RER1: variants seen among roughly 807,000 people sequenced by gnomAD.
RER1 encodes protein RER1.
In RER1, 6 loss-of-function variants were observed where a neutral mutation model predicts 28.3. The ratio of observed to expected loss-of-function variants is 0.21; its 90% confidence interval spans 0.12 to 0.42. The LOEUF is 0.42. Ranked by LOEUF, RER1 falls within the 10% of genes least tolerant of loss-of-function variation. The probability of loss-of-function intolerance (pLI) is 1.00; values close to 1 mark genes in which losing one functional copy is unlikely to be tolerated. For synonymous variants in RER1, 110 were observed against 95.9 expected, an observed-to-expected ratio of 1.15 and a Z score of -0.86; for missense variants, 159 against 252.9, an observed-to-expected ratio of 0.63 and a Z score of 2.52.
chr1:2,403,898 T>C lies in RER1; in HGVS notation c.*774T>C, dbSNP rs969127648. On this transcript the variant is annotated 3_prime_UTR_variant, in exon 7 of 7. Transcript: ENST00000605895. The stretch of plus-strand genomic sequence containing the variant: ...GTAGGTTCAGCACTCGGCCCCCCAC[T>C]GCGGGAGAGGCGGAACCCACTTGCA... 1.3e-5 allele frequency: 2 copies of C among 152,440 alleles called. No individual in the cohort carries two copies. Among genetic ancestry groups the C allele is most frequent in the Non-Finnish European group, 2.9e-5 (2 of 68,030 alleles). The allele number at this position is 152,440 out of a possible 1,614,324, so 9.4% of individuals were successfully genotyped here.
At chr1:2,401,258 C>G (rs1642847802) in intron 5 of RER1, among the ~76,000 whole-genome samples, 1 of 126,620 alleles carries the variant, frequency 7.9e-6, no homozygotes, top group South Asian at 2.9e-4. Flanking sequence ...CTCCTTCCTC[C>G]CTCCTCCACC....
intron 6 of RER1, 73 bp downstream of exon 6, chr1:2,402,415 C>A: frequency 1.3e-6 from 2 of 1,596,694 alleles, no homozygotes; most frequent in Non-Finnish European, 1.7e-6. Flanking sequence ...GGGAGCTGTG[C>A]TGGGCTGTGG....
At position 2,403,607 on chromosome 1, in the gene RER1, G is replaced by C. The variant is rs1642908232; in HGVS notation, c.*483G>C. ...TTTTAAAGGTGATTGTCAAGTAACT[G>C]TGTGGGGTTCTAATGCCAGTTTCCT... On this transcript the variant is annotated 3_prime_UTR_variant, in exon 7 of 7. Transcript: ENST00000605895. 6.2e-6 allele frequency: 1 copy of C among 161,862 alleles called. No individual in the cohort carries two copies. The highest frequency in any genetic ancestry group is 2.4e-5 in the African/African-American group (1 of 41,548). The allele number at this position is 161,862 out of a possible 1,614,324, so 10.0% of individuals were successfully genotyped here.
In RER1 at chr1:2,404,402, A is replaced by G. The variant is rs902971702; in HGVS notation, c.*1278A>G. 6.6e-6 allele frequency: 1 copy of G among 152,206 alleles called. No individual in the cohort carries two copies. Among genetic ancestry groups the G allele is most frequent in the Non-Finnish European group, 1.5e-5 (1 of 68,046 alleles). 9.4% of individuals were successfully genotyped at this position (152,206 alleles called of 1,614,324 possible). A position where few individuals can be genotyped will look rare whatever the true frequency, so the allele number is the denominator to read the frequency against. ...GACAGGAGTGTTTGTCATTTTTCAT[A>G]CTGTTTTCTTAATAAGCGCTCAGGC... On this transcript the variant is annotated 3_prime_UTR_variant, in exon 7 of 7. Transcript: ENST00000605895.
At chr1:2,397,878 A>G (rs1384089536) in intron 3 of RER1, among the ~76,000 whole-genome samples, 3 of 152,210 alleles carry the variant, frequency 2.0e-5, no homozygotes, top group Admixed American at 6.5e-5. Flanking sequence ...AGGAGGTTAC[A>G]TAATCTTATG....
intron 2 of RER1, 193 bp downstream of exon 2, chr1:2,396,064 G>A: frequency 5.0e-6 from 3 of 599,170 alleles, no homozygotes; most frequent in South Asian, 4.0e-5. Flanking sequence ...GGGGCCACAC[G>A]TGGTCTATCA....
At chr1:2,402,080 AC>A (rs772017823) in intron 5 of RER1, 126 bp from the exon 6 acceptor site, 7 of 1,602,720 alleles carry the variant, frequency 4.4e-6, no homozygotes, top group Non-Finnish European at 6.0e-6. Context: ...CCCAGGGTAG[AC>A]CCCTCCTTTC....
chr1:2,397,244 GA>G, intron 3 of RER1, 24 bp downstream of exon 3: 1 of 1,518,194 alleles, frequency 6.6e-7, no homozygotes, highest in East Asian at 2.3e-5. Context: ...GAAGTGACGA[GA>G]CTTGGCTCTG....
At chr1:2,396,670 G>A (rs550927888) in intron 2 of RER1, among the ~76,000 whole-genome samples, 31 of 152,346 alleles carry the variant, frequency 2.0e-4, no homozygotes, top group African/African-American at 6.5e-4. Flanking sequence ...TGGCTGCTGG[G>A]GCTCAGGCTG....
At chr1:2,394,153 A>C (rs1035822028) in intron 1 of RER1, 1 of 152,176 alleles carries the variant, frequency 6.6e-6, no homozygotes, top group African/African-American at 2.4e-5. Flanking sequence ...CCTCTATTTA[A>C]ATATGGAGTT....
chr1:2,397,168 TC>T lies in RER1; in HGVS notation c.135del (p.Val46Ter). 6.2e-7 allele frequency: 1 copy of T among 1,614,066 alleles called. No homozygotes were observed. Among genetic ancestry groups the T allele is most frequent in the Non-Finnish European group, 8.5e-7 (1 of 1,179,986 alleles). On this transcript the variant is annotated frameshift_variant, in exon 3 of 7. Coordinates refer to ENST00000605895, the MANE Select transcript of RER1 (RefSeq NM_007033.5). LOFTEE classifies it high-confidence loss of function. ...ACACCCTACACGGCTGTGCGATGGG[TC>T]GTGACACTGGGCCTGAGCTTTGTCT... ...KSTPYTAVRW[V>X]VTLGLSFVYM...
rs140103750 is a variant in RER1 at position 2,400,059 on chromosome 1, C to T, written c.286+545C>T. 8.7e-4 allele frequency among the ~76,000 whole-genome samples: 132 copies of T among 152,318 alleles called. 1 individual carries two copies. Among genetic ancestry groups the T allele is most frequent in the African/African-American group, 2.9e-3 (122 of 41,564 alleles). ...TCGTGCTCCACTATTGGAAGACTTA[C>T]GCAGCTCCTGGGCCTGCCTGGGCCA... On this transcript the variant is annotated intron_variant, in intron 4 of 6. Coordinates refer to ENST00000605895, the MANE Select transcript of RER1 (RefSeq NM_007033.5).
rs1642815811 is a variant in RER1, at chr1:2,399,573, G to T, written c.286+59G>T. On this transcript the variant is annotated intron_variant, in intron 4 of 6. Transcript: ENST00000605895. Reference sequence around the variant, plus strand: ...CAGGTTGGGCCTTTCTTTTCTGATGGGATTGCCCAGTGTTCTCTGGAAACA... The same window carrying T: ...CAGGTTGGGCCTTTCTTTTCTGATGTGATTGCCCAGTGTTCTCTGGAAACA... The T allele has an allele frequency of 3.9e-6, 4 of 1,030,534 alleles. No homozygotes were observed. In the Admixed American group the frequency reaches 6.8e-5, roughly 18 times the overall value. 63.8% of individuals were successfully genotyped at this position (1,030,534 alleles called of 1,614,324 possible).
At position 2,404,666 on chromosome 1, in the gene RER1, C is replaced by T. The variant is rs1056382049; in HGVS notation, c.*1542C>T. On this transcript the variant is annotated 3_prime_UTR_variant, in exon 7 of 7. Coordinates refer to ENST00000605895, the MANE Select transcript of RER1 (RefSeq NM_007033.5). ...CCTCATTCCTAAGTAAGTCAAACAG[C>T]AAGACATGGTTTGCGCGGGTCTTTG... 4.6e-5 allele frequency: 7 copies of T among 152,266 alleles called. No individual in the cohort carries two copies. The highest frequency in any genetic ancestry group is 1.7e-4 in the African/African-American group (7 of 41,472). 9.4% of individuals were successfully genotyped at this position (152,266 alleles called of 1,614,324 possible).
chr1:2,397,010 T>C, intron 2 of RER1, 106 bp from the exon 3 acceptor site: 1 of 658,564 alleles, frequency 1.5e-6, no homozygotes, highest in Non-Finnish European at 2.8e-6. Flanking sequence ...CTCTTTTAGC[T>C]GTTTTAAAAA....
At chr1:2,392,594 C>T (rs1362279550) in intron 1 of RER1, among the ~76,000 whole-genome samples, 1 of 152,252 alleles carries the variant, frequency 6.6e-6, no homozygotes, top group Non-Finnish European at 1.5e-5. Flanking sequence ...TGCTTTCAGC[C>T]TAAGTACCTT....
At chr1:2,400,836 G>C (rs1218978082) in intron 4 of RER1, 21 bp from the exon 5 acceptor site, 1 of 1,606,286 alleles carries the variant, frequency 6.2e-7, no homozygotes, top group East Asian at 2.2e-5. Context: ...TGCCCTCCCT[G>C]ATGGTTGCTC....
At chr1:2,396,987 C>T in intron 2 of RER1, 129 bp from the exon 3 acceptor site, 2 of 590,316 alleles carry the variant, frequency 3.4e-6, no homozygotes, top group East Asian at 2.8e-5. Context: ...TGATCTCTTG[C>T]TATTTTAACT....
At chr1:2,399,065 G>A (rs1642808829) in intron 3 of RER1, among the ~76,000 whole-genome samples, 1 of 152,196 alleles carries the variant, frequency 6.6e-6, no homozygotes, top group South Asian at 2.1e-4. Flanking sequence ...CCGAGCCTGT[G>A]GTGTAGCTTG....
Sources: allele counts gnomAD v4.1 joint callset (sites outside exome capture counted in the v4.1 genomes callset), GRCh38; gene constraint gnomAD v4.1.1; transcripts MANE v1.5; gene names NCBI Gene and HGNC (gene_info 2026-07-23, HGNC 2026-07-21).